Variants in AFDN observed in about 807,000 individuals in gnomAD.
AFDN encodes afadin.
Under a neutral mutation model 216.6 loss-of-function variants are expected in AFDN, and 68 were observed. The observed-to-expected ratio is 0.31, with a 90% CI of 0.26 to 0.38. AFDN has a LOEUF of 0.38. Among genes scored for constraint, AFDN ranks in the 10% least tolerant of loss-of-function variants. AFDN has a pLI of 1.00. For synonymous variants in AFDN, 868 were observed against 853.7 expected (o/e 1.02, Z -0.29); for missense variants, 2,136 against 2,342.0 (o/e 0.91, Z 1.82).
Position 167,922,864 on chromosome 6 carries a change from A to T in AFDN, c.2917A>T (p.Arg973Trp). 2.5e-6 allele frequency: 4 copies of T among 1,609,316 alleles called. No individual in the cohort carries two copies. Among genetic ancestry groups the T allele is most frequent in the Non-Finnish European group, 3.4e-6 (4 of 1,177,436 alleles). Reference protein sequence around the residue: ...LDPLCQRGFCRLIPHTRSPGT... With the variant: ...LDPLCQRGFCWLIPHTRSPGT... Reference sequence around the variant, plus strand: ...GCTTGTTTCCTCCTTAGGATTTTGCAGGTTAATTCCTCACACACGTTCACC... The same window carrying T: ...GCTTGTTTCCTCCTTAGGATTTTGCTGGTTAATTCCTCACACACGTTCACC... The change falls in exon 22 of 34, where the codon AGG becomes TGG. Residue 973 changes from arginine to tryptophan, a missense_variant. Arg to Trp is a moderately radical substitution (Grantham distance 101, BLOSUM62 -3). This residue lies in a region of AFDN where 162 missense variants were observed against 182.6 expected (regional missense o/e 0.89). Transcript: ENST00000683244.
At chr6:167,926,519 A>G (rs2128523542) in intron 23 of AFDN, among the ~76,000 whole-genome samples, 1 of 152,292 alleles carries the variant, frequency 6.6e-6, no homozygotes, top group Non-Finnish European at 1.5e-5. Context: ...CACAGCTTTG[A>G]ACTCCTGGGC....
rs780660479 is a variant in AFDN, at chr6:167,948,371, G to A, written c.3724G>A (p.Ala1242Thr). Residue 1242 changes from alanine to threonine, a missense_variant, in exon 29 of 34, where the codon GCT (alanine) becomes ACT (threonine). By Grantham distance (58) the Ala-to-Thr change is moderately conservative. Transcript: ENST00000683244. Reference protein sequence around the residue: ...TYTREYFTFPASKSQDRMAPP... With the variant: ...TYTREYFTFPTSKSQDRMAPP... ...CACCAGAGAGTATTTTACCTTCCCA[G>A]CTTCCAAATCCCAGGATCGGATGGC... 3.7e-6 allele frequency: 6 copies of A among 1,613,978 alleles called. No homozygotes were observed. The highest frequency in any genetic ancestry group is 5.1e-6 in the Non-Finnish European group (6 of 1,180,040).
chr6:167,963,280 T>C lies in AFDN; in HGVS notation c.4968+713T>C, dbSNP rs1387578645. On this transcript the variant is annotated intron_variant, in intron 31 of 33. Transcript: ENST00000683244. ...CCTCTGGATGAAGAGGCTGTAGCCGTTGAGCTCCCTGTGGGGGCCTGTTTC... is the reference window on the plus strand; with the variant it reads ...CCTCTGGATGAAGAGGCTGTAGCCGCTGAGCTCCCTGTGGGGGCCTGTTTC... 2.3e-5 allele frequency: 24 copies of C among 1,062,870 alleles called. No individual in the cohort carries two copies. In the East Asian group the frequency reaches 5.6e-4, roughly 25 times the overall value. 65.8% of individuals were successfully genotyped at this position (1,062,870 alleles called of 1,614,324 possible).
chr6:167,964,472 T>G, intron 31 of AFDN: 3 of 1,065,514 alleles, frequency 2.8e-6, no homozygotes, highest in Non-Finnish European at 2.3e-6. Context: ...GACAAGAAGA[T>G]GAGAGTCTTT....
At chr6:167,867,228 G>A (rs1784282852) in intron 2 of AFDN, among the ~76,000 whole-genome samples, 1 of 152,014 alleles carries the variant, frequency 6.6e-6, no homozygotes, top group Non-Finnish European at 1.5e-5. Context: ...TTTTCATCTA[G>A]TAAAAATTTT....
At chr6:167,833,493 G>A (rs1780052639) in intron 1 of AFDN, among the ~76,000 whole-genome samples, 1 of 152,150 alleles carries the variant, frequency 6.6e-6, no homozygotes, top group Non-Finnish European at 1.5e-5. Flanking sequence ...TTCTATTAAA[G>A]GAAAATCAGG....
chr6:167,868,206 T>G (rs940245287), intron 2 of AFDN, among the ~76,000 whole-genome samples: 6 of 152,190 alleles, frequency 3.9e-5, no homozygotes, highest in Non-Finnish European at 7.3e-5. Context: ...AGTACTGTTT[T>G]CCAGAGATAG....
chr6:167,878,997 T>C (rs1285035022), intron 5 of AFDN, among the ~76,000 whole-genome samples: 3 of 152,258 alleles, frequency 2.0e-5, no homozygotes, highest in Non-Finnish European at 4.4e-5. Flanking sequence ...TTTCACAATG[T>C]GTGTCACTAT....
intron 7 of AFDN, 118 bp from the exon 8 acceptor site, chr6:167,890,744 C>A: frequency 1.1e-6 from 1 of 894,072 alleles, no homozygotes; most frequent in Non-Finnish European, 1.7e-6. Flanking sequence ...GATTCCTTGG[C>A]AGATGTTCCT....
intron 30 of AFDN, among the ~76,000 whole-genome samples, chr6:167,960,763 TC>T (rs1796956223): frequency 6.6e-6 from 1 of 152,174 alleles, no homozygotes; most frequent in South Asian, 2.1e-4. Context: ...TGTGGCTGGT[TC>T]TGTCAACTCA....
intron 25 of AFDN, 115 bp from the exon 26 acceptor site, chr6:167,943,826 A>G: frequency 1.1e-6 from 1 of 921,308 alleles, no homozygotes; most frequent in African/African-American, 1.6e-5. Context: ...ACCATTACTC[A>G]AAATAATAGA....
rs527865822 is a variant in AFDN at position 167,935,687 on chromosome 6, G to A, written c.3100-7442G>A. Among the ~76,000 whole-genome samples, 32 of 152,216 alleles carry A rather than the reference G, an allele frequency of 2.1e-4. 1 individual carries two copies. In the South Asian group the frequency reaches 6.4e-3, roughly 31 times the overall value. On this transcript the variant is annotated intron_variant, in intron 23 of 33. Transcript: ENST00000683244. ...ATATCTTTTCAAATACCATATTTAG[G>A]TACCTTTAAGCAAGTAATCCTTAAA...
At chr6:167,830,031 ATGT>A (rs1372535071) in intron 1 of AFDN, among the ~76,000 whole-genome samples, 3 of 152,198 alleles carry the variant, frequency 2.0e-5, no homozygotes, top group East Asian at 1.9e-4. Flanking sequence ...TCTGAACCTG[ATGT>A]TGTTATTTTA....
intron 9 of AFDN, among the ~76,000 whole-genome samples, chr6:167,896,415 T>G (rs749507280): frequency 6.6e-6 from 1 of 152,186 alleles, no homozygotes; most frequent in Non-Finnish European, 1.5e-5. Flanking sequence ...CTATGAGAAC[T>G]GCACATTTAA....
intron 1 of AFDN, among the ~76,000 whole-genome samples, chr6:167,832,092 A>G (rs1177838124): frequency 6.6e-6 from 1 of 152,244 alleles, no homozygotes; most frequent in African/African-American, 2.4e-5. Flanking sequence ...TCTGGCTGAT[A>G]GTATATAGGA....
chr6:167,936,718 G>A (rs1270913193), intron 23 of AFDN, among the ~76,000 whole-genome samples: 1 of 152,134 alleles, frequency 6.6e-6, no homozygotes, highest in Non-Finnish European at 1.5e-5. Flanking sequence ...CAGGGATGCA[G>A]CAGAGTTTCT....
chr6:167,920,781 A>G (rs186102350), intron 21 of AFDN, among the ~76,000 whole-genome samples: 24 of 152,226 alleles, frequency 1.6e-4, no homozygotes, highest in African/African-American at 5.5e-4. Context: ...CGTTGTCGGT[A>G]CTCTACTCCT....
At chr6:167,927,390 GA>G (rs1311794767) in intron 23 of AFDN, among the ~76,000 whole-genome samples, 5 of 152,184 alleles carry the variant, frequency 3.3e-5, no homozygotes, top group Admixed American at 6.5e-5. Context: ...GCAGAATAAG[GA>G]AGGCAGTGCT....
At chr6:167,963,429 T>A in intron 31 of AFDN, 1 of 1,054,568 alleles carries the variant, frequency 9.5e-7, no homozygotes, top group African/African-American at 1.7e-5. Context: ...ATTTAGTTTT[T>A]ATTAATAATT....
Sources: gnomAD v4.1 joint callset for allele counts (sites outside exome capture counted in the v4.1 genomes callset) on GRCh38, gnomAD v4.1.1 for gene constraint, gnomAD v4.1.1 regional missense constraint, MANE v1.5 for transcripts, NCBI Gene and HGNC (gene_info 2026-07-23, HGNC 2026-07-21) for gene names.